MAGI1: variants seen among roughly 807,000 people sequenced by gnomAD.
The protein encoded by MAGI1 is membrane associated guanylate kinase, WW and PDZ domain containing 1.
A neutral mutation model predicts 139.9 loss-of-function variants in MAGI1; 58 were observed. The ratio of observed to expected loss-of-function variants is 0.41; its 90% CI spans 0.34 to 0.52. The LOEUF (loss-of-function observed/expected upper bound fraction) is 0.52, where lower values mean the gene tolerates loss of function less well. Ranked by LOEUF, MAGI1 falls within the 20% of genes least tolerant of loss-of-function variation. The probability of loss-of-function intolerance (pLI) is 0.12; values close to 1 mark genes in which losing one functional copy is unlikely to be tolerated. For missense variants in MAGI1, 1,874 were observed against 1,901.6 expected (o/e 0.99, Z 0.27); for synonymous variants, 812 against 737.9 (o/e 1.10, Z -1.63).
intron 1 of MAGI1, among the ~76,000 whole-genome samples, chr3:65,876,419 C>A (rs926216300): frequency 1.3e-5 from 2 of 152,052 alleles, no homozygotes; most frequent in African/African-American, 4.8e-5. Context: ...TGTACTGATA[C>A]TACTATGTAG....
At chr3:65,762,372 T>G (rs1454532985) in intron 1 of MAGI1, among the ~76,000 whole-genome samples, 1 of 152,082 alleles carries the variant, frequency 6.6e-6, no homozygotes, top group Non-Finnish European at 1.5e-5. Context: ...AAGGCATTAA[T>G]TCATTCTCCG....
At chr3:65,712,838 G>T (rs1178769146) in intron 1 of MAGI1, among the ~76,000 whole-genome samples, 1 of 152,170 alleles carries the variant, frequency 6.6e-6, no homozygotes, top group Admixed American at 6.5e-5. Context: ...GACCTAAATA[G>T]CATTCTATAA....
intron 1 of MAGI1, among the ~76,000 whole-genome samples, chr3:65,694,998 G>A (rs1401341240): frequency 6.6e-6 from 1 of 152,126 alleles, no homozygotes; most frequent in Admixed American, 6.6e-5. Flanking sequence ...GGCTGCTCGT[G>A]CTCAAGGGAA....
intron 1 of MAGI1, among the ~76,000 whole-genome samples, chr3:65,691,159 C>T (rs1299779006): frequency 1.3e-5 from 2 of 151,686 alleles, no homozygotes; most frequent in African/African-American, 2.4e-5. Flanking sequence ...AAAAATTAGC[C>T]GGGCGTGGTG....
intron 1 of MAGI1, among the ~76,000 whole-genome samples, chr3:65,792,482 T>A (rs2039850786): frequency 1.3e-5 from 2 of 149,052 alleles, no homozygotes; most frequent in Non-Finnish European, 3.0e-5. Flanking sequence ...TAGTAGTTAC[T>A]AATAACTATT....
chr3:65,499,086 A>G (rs2076984819), intron 2 of MAGI1: 1 of 933,578 alleles, frequency 1.1e-6, no homozygotes, highest in Non-Finnish European at 1.3e-6. Flanking sequence ...AAAAACTCTC[A>G]TATGCTTTGA....
chr3:65,536,506 G>C (rs1204060897), intron 2 of MAGI1, among the ~76,000 whole-genome samples: 1 of 152,150 alleles, frequency 6.6e-6, no homozygotes, highest in Non-Finnish European at 1.5e-5. Flanking sequence ...AAGGATTCCA[G>C]GGTCTTTTCA....
At chr3:65,437,356 T>C (rs1306623279) in intron 9 of MAGI1, 109 bp from the exon 10 acceptor site, 1 of 554,320 alleles carries the variant, frequency 1.8e-6, no homozygotes, top group Non-Finnish European at 3.0e-6. Flanking sequence ...CAAGGGCAGA[T>C]AGCTTAGATT....
chr3:65,374,365 T>C (rs556454858), intron 18 of MAGI1, among the ~76,000 whole-genome samples: 3 of 137,510 alleles, frequency 2.2e-5, no homozygotes, highest in African/African-American at 5.4e-5. Context: ...TTGCCCAGGC[T>C]GGAGTGCAGT....
chr3:66,028,232 G>A (rs987034691), intron 1 of MAGI1, among the ~76,000 whole-genome samples: 1 of 152,186 alleles, frequency 6.6e-6, no homozygotes, highest in African/African-American at 2.4e-5. Context: ...AGCCCAGGAG[G>A]TGGGTGTTGC....
intron 1 of MAGI1, among the ~76,000 whole-genome samples, chr3:65,966,924 G>A (rs2064776110): frequency 6.6e-6 from 1 of 152,202 alleles, no homozygotes; most frequent in Non-Finnish European, 1.5e-5. Context: ...TTAATAGACA[G>A]TAACCGTTGT....
At chr3:65,516,110 G>T (rs1339333550) in intron 2 of MAGI1, among the ~76,000 whole-genome samples, 2 of 152,186 alleles carry the variant, frequency 1.3e-5, no homozygotes, top group Non-Finnish European at 2.9e-5. Flanking sequence ...GAGGCTGAGG[G>T]TGAGAGAATT....
At chr3:65,966,594 G>A (rs575882619) in intron 1 of MAGI1, among the ~76,000 whole-genome samples, 2 of 152,086 alleles carry the variant, frequency 1.3e-5, no homozygotes, top group South Asian at 4.2e-4. Flanking sequence ...CTCCAGGATA[G>A]GTGGGCAGGG....
chr3:65,993,995 C>T (rs141135293), intron 1 of MAGI1, among the ~76,000 whole-genome samples: 109 of 152,122 alleles, frequency 7.2e-4, no homozygotes, highest in East Asian at 6.2e-3. Context: ...TATGGTAGGC[C>T]GGATGCAGTG....
chr3:65,639,315 T>C (rs898158656), intron 1 of MAGI1, among the ~76,000 whole-genome samples: 5 of 152,202 alleles, frequency 3.3e-5, no homozygotes, highest in East Asian at 1.9e-4. Context: ...ATGTTCTATG[T>C]TGAAATGAAG....
intron 1 of MAGI1, among the ~76,000 whole-genome samples, chr3:65,712,487 T>C (rs1414082724): frequency 1.3e-5 from 2 of 149,694 alleles, no homozygotes; most frequent in Non-Finnish European, 3.0e-5. Flanking sequence ...TGCGCGATAA[T>C]AAAATTGTGT....
At chr3:65,870,097 C>T (rs1413662806) in intron 1 of MAGI1, among the ~76,000 whole-genome samples, 1 of 152,164 alleles carries the variant, frequency 6.6e-6, no homozygotes, top group Non-Finnish European at 1.5e-5. Flanking sequence ...ATTTGTTCTA[C>T]ACGGATGCTG....
chr3:65,519,638 C>A (rs557990034), intron 2 of MAGI1, among the ~76,000 whole-genome samples: 2 of 152,130 alleles, frequency 1.3e-5, no homozygotes, highest in African/African-American at 2.4e-5. Flanking sequence ...CCCACTTTGG[C>A]CTGCCAAAGT....
rs1164409500 is a variant in MAGI1 at position 65,429,587 on chromosome 3, G to A, written c.2100C>T (p.Asn700=). The A allele has an allele frequency of 6.2e-7, 1 of 1,613,894 alleles. No individual in the cohort carries two copies. Among genetic ancestry groups the A allele is most frequent in the South Asian group, 1.1e-5 (1 of 91,068 alleles). The change falls in exon 12 of 23, where the codon AAC becomes AAT. Residue 700 remains asparagine (N), a synonymous_variant. Coordinates refer to ENST00000402939, the MANE Select transcript of MAGI1 (RefSeq NM_001033057.2). ...NKKNVQALTH[N]QVVDMLVECP... is the part of the protein sequence containing the mutation. Reference sequence around the variant, plus strand: ...ACTCAACCAGCATATCCACCACTTGGTTGTGAGTTAGGGCCTGCACGTTCT... The same window carrying A: ...ACTCAACCAGCATATCCACCACTTGATTGTGAGTTAGGGCCTGCACGTTCT...
Sources: gnomAD v4.1 joint callset for allele counts (sites outside exome capture counted in the v4.1 genomes callset) on GRCh38, gnomAD v4.1.1 for gene constraint, MANE v1.5 for transcripts, NCBI Gene and HGNC (gene_info 2026-07-23, HGNC 2026-07-21) for gene names.